The following PPP4R3A variants were observed in gnomAD, a reference collection of about 807,000 sequenced individuals.
The protein encoded by PPP4R3A is protein phosphatase 4 regulatory subunit 3A.
Under a neutral mutation model 91.7 loss-of-function variants are expected in PPP4R3A, and 15 were observed. That is an observed-to-expected ratio of 0.16 (90% CI 0.11 to 0.25). The LOEUF (loss-of-function observed/expected upper bound fraction) is 0.25. Ranked by LOEUF, PPP4R3A falls within the 10% of genes least tolerant of loss-of-function variation. The probability of loss-of-function intolerance (pLI) is 1.00; values close to 1 mark genes in which losing one functional copy is unlikely to be tolerated. For synonymous variants in PPP4R3A, 377 were observed against 348.7 expected (o/e 1.08, Z -0.91); for missense variants, 623 against 998.4 (o/e 0.62, Z 5.07).
chr14:91,473,841 G>A (rs189244702), intron 7 of PPP4R3A, among the ~76,000 whole-genome samples: 8 of 113,630 alleles, frequency 7.0e-5, no homozygotes, highest in South Asian at 2.7e-4. Context: ...GCACGATCTC[G>A]TCTTACTAAC....
At chr14:91,507,342 T>C (rs115054495) in intron 1 of PPP4R3A, among the ~76,000 whole-genome samples, 1 of 112,364 alleles carries the variant, frequency 8.9e-6, no homozygotes, top group Admixed American at 9.6e-5. Context: ...TCTATACATA[T>C]TATATATACT....
chr14:91,479,724 T>G lies in PPP4R3A; in HGVS notation c.915+1852A>C, dbSNP rs1303962592. 3.3e-5 allele frequency among the ~76,000 whole-genome samples: 5 copies of G among 152,158 alleles called. No homozygotes were observed. In the East Asian group the frequency reaches 9.6e-4, roughly 29 times the overall value. On this transcript the variant is annotated intron_variant, in intron 4 of 14. Coordinates refer to ENST00000554943, the MANE Select transcript of PPP4R3A (RefSeq NM_001366432.2). ...GTTTAGCTAATTGTTGTATTTTTAG[T>G]AGAGACGGGGTTTCGCCATGTTGGC...
chr14:91,507,868 T>C (rs574680578), intron 1 of PPP4R3A, among the ~76,000 whole-genome samples: 3 of 152,132 alleles, frequency 2.0e-5, no homozygotes, highest in Non-Finnish European at 4.4e-5. Context: ...ATGCCTGTAA[T>C]CCTAATACTC....
intron 2 of PPP4R3A, among the ~76,000 whole-genome samples, chr14:91,488,907 CTTTTTT>C (rs10691130): frequency 8.1e-6 from 1 of 122,862 alleles, no homozygotes; most frequent in East Asian, 2.3e-4. Flanking sequence ...ATAGATACCA[CTTTTTT>C]TTTTTTTTTT....
In PPP4R3A at chr14:91,465,365, C is replaced by T. The variant is rs1888410250; in HGVS notation, c.1715G>A (p.Arg572His). 3.7e-6 allele frequency: 6 copies of T among 1,605,346 alleles called. No homozygotes were observed. The highest frequency in any genetic ancestry group is 2.7e-5 in the African/African-American group (2 of 74,468). Residue 572 changes from arginine to histidine, a missense_variant, in exon 11 of 15, where the codon CGC becomes CAC. Around this residue, in one of 5 missense-constraint regions of PPP4R3A, gnomAD observed 87 missense variants for 233.9 expected, o/e 0.37. Transcript: ENST00000554943. ...IIGLKDEFYN[R>H]YIMKSFLFEP... ...AAACAAAAAACTTTTCATTATGTAG[C>T]GGTTGTAAAACTCATCTTTTAATCC...
At position 91,501,865 on chromosome 14, in the gene PPP4R3A, C is replaced by T. The variant is rs545618804; in HGVS notation, c.142+7641G>A. 3.7e-3 allele frequency among the ~76,000 whole-genome samples: 522 copies of T among 141,748 alleles called. 14 individuals carry two copies. Among genetic ancestry groups the T allele is most frequent in the Admixed American group, 0.036 (494 of 13,554 alleles). 93.0% of individuals were successfully genotyped at this position (141,748 alleles called of 152,430 possible). On this transcript the variant is annotated intron_variant, in intron 1 of 14. Transcript: ENST00000554943. ...GACTACATGCTCCCGCCACCAAGCC[C>T]GGCTAATTTTTTTTTTTTTTTTTTT...
chr14:91,498,281 G>A (rs1165891687), intron 1 of PPP4R3A, among the ~76,000 whole-genome samples: 2 of 151,794 alleles, frequency 1.3e-5, no homozygotes, highest in African/African-American at 4.8e-5. Flanking sequence ...GTTGCAGTAA[G>A]CCAAGATTGT....
intron 1 of PPP4R3A, among the ~76,000 whole-genome samples, chr14:91,498,350 GAC>G (rs1002327663): frequency 1.3e-5 from 2 of 151,426 alleles, no homozygotes; most frequent in African/African-American, 4.9e-5. Context: ...AAAAAAAAAA[GAC>G]ACTCTTCTCA....
chr14:91,478,005 A>G (rs1889315080), intron 4 of PPP4R3A, among the ~76,000 whole-genome samples: 1 of 152,224 alleles, frequency 6.6e-6, no homozygotes, highest in Non-Finnish European at 1.5e-5. Context: ...CTTAAGCCCT[A>G]GACATGCCTC....
At position 91,462,062 on chromosome 14, in the gene PPP4R3A, C is replaced by A; in HGVS notation, c.2151G>T (p.Met717Ile). ...DDIMDPISKF[M>I]ERKKLKESEE... is the part of the protein sequence containing the mutation. ...TTTCCAACATACATTTCTTCCTTTC[C>A]ATGAATTTACTTATTGGATCCATAA... Residue 717 changes from methionine (M) to isoleucine (I), a missense_variant, in exon 13 of 15, where the codon ATG (methionine) becomes ATT (isoleucine). Physicochemically the swap from Met to Ile is conservative, Grantham distance 10. Around this residue, in one of 5 missense-constraint regions of PPP4R3A, gnomAD observed 201 missense variants for 229.9 expected, o/e 0.87. Coordinates refer to ENST00000554943, the MANE Select transcript of PPP4R3A (RefSeq NM_001366432.2). The A allele has an allele frequency of 6.6e-7, 1 of 1,512,680 alleles. No individual in the cohort carries two copies. The highest frequency in any genetic ancestry group is 8.8e-7 in the Non-Finnish European group (1 of 1,131,510). 93.7% of individuals were successfully genotyped at this position (1,512,680 alleles called of 1,614,324 possible).
chr14:91,462,347 A>C, intron 12 of PPP4R3A, 108 bp from the exon 13 acceptor site: 1 of 1,091,226 alleles, frequency 9.2e-7, no homozygotes, highest in Non-Finnish European at 1.2e-6. Context: ...GAAATTTACA[A>C]ATATTAAAGT....
intron 11 of PPP4R3A, 70 bp from the exon 12 acceptor site, chr14:91,462,947 T>C: frequency 8.4e-7 from 1 of 1,191,568 alleles, no homozygotes; most frequent in South Asian, 1.4e-5. Flanking sequence ...CTTAATTTAA[T>C]CAATTCATAC....
intron 10 of PPP4R3A, among the ~76,000 whole-genome samples, chr14:91,466,653 T>G (rs1401741581): frequency 6.6e-6 from 1 of 152,166 alleles, no homozygotes; most frequent in African/African-American, 2.4e-5. Flanking sequence ...AACATACTCA[T>G]GGTGAACTAA....
chr14:91,479,814 T>C (rs1157466336), intron 4 of PPP4R3A, among the ~76,000 whole-genome samples: 1 of 152,234 alleles, frequency 6.6e-6, no homozygotes, highest in Non-Finnish European at 1.5e-5. Context: ...AGTGCTGGGA[T>C]TGTAGGCGTG....
chr14:91,507,503 ATG>A (rs1891451336), intron 1 of PPP4R3A, among the ~76,000 whole-genome samples: 1 of 139,340 alleles, frequency 7.2e-6, no homozygotes, highest in African/African-American at 2.8e-5. Context: ...TATAGAATAT[ATG>A]CTATAATTAT....
At chr14:91,477,953 T>TTTTAC (rs141413837) in intron 4 of PPP4R3A, among the ~76,000 whole-genome samples, 1 of 152,002 alleles carries the variant, frequency 6.6e-6, no homozygotes, top group Non-Finnish European at 1.5e-5. Flanking sequence ...TCGACCAAGA[T>TTTTAC]TTTAATTACT....
chr14:91,465,216 A>C (rs758296036), intron 11 of PPP4R3A, 34 bp downstream of exon 11: 81 of 1,427,402 alleles, frequency 5.7e-5, no homozygotes, highest in Non-Finnish European at 7.2e-5. Context: ...CAAACAATTA[A>C]AATGAAAATT....
upstream of PPP4R3A, chr14:91,510,479 AG>A (rs1305697129): frequency 1.3e-5 from 2 of 152,288 alleles, no homozygotes; most frequent in African/African-American, 4.8e-5. Flanking sequence ...GGCGGGACGC[AG>A]ATTGCGCCGG....
chr14:91,462,499 GTCTT>G (rs1177633152), intron 12 of PPP4R3A, among the ~76,000 whole-genome samples: 1 of 93,838 alleles, frequency 1.1e-5, no homozygotes, highest in African/African-American at 4.5e-5. Context: ...CCACTGTTTG[GTCTT>G]TTTTTTTTTT....
Sources: allele counts gnomAD v4.1 joint callset (sites outside exome capture counted in the v4.1 genomes callset), GRCh38; gene constraint gnomAD v4.1.1; regional missense constraint gnomAD v4.1.1; transcripts MANE v1.5; gene names NCBI Gene and HGNC (gene_info 2026-07-23, HGNC 2026-07-21).